LAMA1: variants seen among roughly 807,000 people sequenced by gnomAD.
LAMA1 encodes the protein laminin subunit alpha 1.
LAMA1 carries 219 observed loss-of-function variants against 348.7 expected under a neutral mutation model. The observed-to-expected ratio is 0.63, with a 90% CI of 0.56 to 0.70. The LOEUF is 0.70. LAMA1 is among the 30% of genes least tolerant of loss of function. The pLI is 0.00. For missense variants in LAMA1, 3,744 were observed against 3,888.0 expected (o/e 0.96, Z 0.99); for synonymous variants, 1,487 against 1,491.0 (o/e 1.00, Z 0.06).
intron 3 of LAMA1, among the ~76,000 whole-genome samples, chr18:7,065,232 C>CA (rs35224545): frequency 0.098 from 6,990 of 70,986 alleles, 775 homozygotes; most frequent in African/African-American, 0.31. Context: ...GACTCTATCT[C>CA]AAAAAAAAAA....
At chr18:7,060,097 C>A (rs1425432562) in intron 3 of LAMA1, among the ~76,000 whole-genome samples, 1 of 152,084 alleles carries the variant, frequency 6.6e-6, no homozygotes, top group Non-Finnish European at 1.5e-5. Flanking sequence ...ATTATCAGCA[C>A]GTGAAGTGGC....
Position 6,986,175 on chromosome 18 carries a change from G to A in LAMA1, c.5341C>T (p.Leu1781=). ...AEAKMQESNH[L]LLMVNANLRE... ...AGATTAGCATTGACCATGAGCAGCA[G>A]GTGGTTGCTTTCCTGCATCTTTGCC... Residue 1781 remains leucine (L), a synonymous_variant, in exon 37 of 63, where the codon CTG becomes TTG. Coordinates refer to ENST00000389658, the MANE Select transcript of LAMA1 (RefSeq NM_005559.4). 1 of 1,614,214 alleles carries A rather than the reference G, an allele frequency of 6.2e-7. No homozygotes were observed. The highest frequency in any genetic ancestry group is 8.5e-7 in the Non-Finnish European group (1 of 1,180,036).
intron 3 of LAMA1, chr18:7,079,610 A>G: frequency 5.8e-6 from 2 of 346,048 alleles, no homozygotes; most frequent in Non-Finnish European, 1.1e-5. Flanking sequence ...TTAGCAAGAC[A>G]GTAAGCTAAA....
intron 59 of LAMA1, 23 bp from the exon 60 acceptor site, chr18:6,948,579 G>A (rs1403240535): frequency 2.5e-6 from 4 of 1,613,996 alleles, no homozygotes; most frequent in African/African-American, 1.3e-5. Context: ...ACATGCAAGA[G>A]TAGACAGTGG....
chr18:6,973,961 T>G (rs2144033184), intron 46 of LAMA1, among the ~76,000 whole-genome samples: 1 of 152,240 alleles, frequency 6.6e-6, no homozygotes, highest in East Asian at 1.9e-4. Context: ...TTAACTTTTT[T>G]TTAGAGACAG....
chr18:7,117,678 C>T lies in LAMA1; in HGVS notation c.43G>A (p.Ala15Thr). ...GGCTCACCTCTCTGCCGGCACTGCGCGGCGACACACAGCAGCAAGACCAGG... is the reference window on the plus strand; with the variant it reads ...GGCTCACCTCTCTGCCGGCACTGCGTGGCGACACACAGCAGCAAGACCAGG... Reference protein sequence around the residue: ...VLLVLLLCVAAQCRQRGLFPA... With the variant: ...VLLVLLLCVATQCRQRGLFPA... Residue 15 changes from alanine (A) to threonine (T), a missense_variant, in exon 1 of 63, where the codon GCG (alanine) becomes ACG (threonine). Around this residue, in one of 3 missense-constraint regions of LAMA1, gnomAD observed 1,529 missense variants for 1,689.4 expected, o/e 0.91. Transcript: ENST00000389658. 1 of 1,598,726 alleles carries T rather than the reference C, an allele frequency of 6.3e-7. No homozygotes were observed. Among genetic ancestry groups the T allele is most frequent in the Non-Finnish European group, 8.5e-7 (1 of 1,178,636 alleles).
At chr18:7,047,014 C>G (rs956715941) in intron 5 of LAMA1, among the ~76,000 whole-genome samples, 4 of 150,546 alleles carry the variant, frequency 2.7e-5, no homozygotes, top group Admixed American at 2.6e-4. Flanking sequence ...CAAATAATAA[C>G]AGTTTAGTCT....
chr18:7,034,355 A>T (rs613298), intron 14 of LAMA1, 124 bp downstream of exon 14: 294,144 of 747,292 alleles, frequency 0.39, 61,749 homozygotes, highest in African/African-American at 0.65. Context: ...AGACAGCCAG[A>T]TCCTGTAGCT....
At chr18:7,095,259 T>C (rs1166173602) in intron 1 of LAMA1, among the ~76,000 whole-genome samples, 2 of 152,204 alleles carry the variant, frequency 1.3e-5, no homozygotes, top group Non-Finnish European at 2.9e-5. Context: ...ATTTACTTTA[T>C]GTCCACACTT....
chr18:7,106,593 C>T (rs1390066572), intron 1 of LAMA1, among the ~76,000 whole-genome samples: 1 of 152,072 alleles, frequency 6.6e-6, no homozygotes, highest in African/African-American at 2.4e-5. Flanking sequence ...CTCTTGACCT[C>T]GTGATCCACC....
Position 6,964,735 on chromosome 18 carries a change from C to T in LAMA1, c.7264G>A (p.Ala2422Thr), listed in dbSNP as rs2057624658. 3.1e-6 allele frequency: 5 copies of T among 1,614,118 alleles called. No individual in the cohort carries two copies. The highest frequency in any genetic ancestry group is 4.2e-6 in the Non-Finnish European group (5 of 1,180,014). The change falls in exon 51 of 63, where the codon GCA becomes ACA. Residue 2422 changes from alanine to threonine, a missense_variant. Ala to Thr is a moderately conservative substitution (Grantham distance 58). Transcript: ENST00000389658. Reference protein sequence around the residue: ...KETKQGETPGASSDLNRLDKD... With the variant: ...KETKQGETPGTSSDLNRLDKD... ...TCTAGGCGGTTGAGGTCAGAAGATG[C>T]TCCCGGAGTCTCGCCCTGCTTGGTT... is the stretch of plus-strand genomic sequence containing the variant.
chr18:6,993,522 C>G lies in LAMA1; in HGVS notation c.5008+119G>C, dbSNP rs2057767378. On this transcript the variant is annotated intron_variant, in intron 35 of 62. Transcript: ENST00000389658. ...CTCAGGATCCCCAAACTATTCCAGCCCCTCTGGTTCCGGAAACCCGATGCA... is the reference window on the plus strand; with the variant it reads ...CTCAGGATCCCCAAACTATTCCAGCGCCTCTGGTTCCGGAAACCCGATGCA... 7.5e-6 allele frequency: 6 copies of G among 799,456 alleles called. No homozygotes were observed. The Admixed American group carries it at 1.1e-4, about 14-fold the overall frequency. 49.5% of individuals were successfully genotyped at this position (799,456 alleles called of 1,614,324 possible). A position where few individuals can be genotyped will look rare whatever the true frequency, so the allele number is the denominator to read the frequency against.
chr18:7,065,879 T>C (rs1568053129), intron 3 of LAMA1, among the ~76,000 whole-genome samples: 2 of 152,218 alleles, frequency 1.3e-5, no homozygotes, highest in Non-Finnish European at 2.9e-5. Flanking sequence ...CTAGCTTCAT[T>C]TCCGAAACAG....
intron 42 of LAMA1, among the ~76,000 whole-genome samples, chr18:6,979,769 G>T (rs1446143871): frequency 6.6e-6 from 1 of 151,872 alleles, no homozygotes; most frequent in Non-Finnish European, 1.5e-5. Context: ...GACGGTGGCG[G>T]GCGCCTGTAG....
chr18:7,009,181 C>A, intron 27 of LAMA1, 58 bp downstream of exon 27: 1 of 1,603,110 alleles, frequency 6.2e-7, no homozygotes, highest in Non-Finnish European at 8.5e-7. Context: ...GAGTCAAATT[C>A]TTTCAGTTTG....
chr18:7,082,341 T>C (rs2058196346), intron 1 of LAMA1, among the ~76,000 whole-genome samples: 1 of 152,196 alleles, frequency 6.6e-6, no homozygotes, highest in South Asian at 2.1e-4. Flanking sequence ...ATTTTTATCA[T>C]ATCCCTGTAA....
intron 60 of LAMA1, 35 bp downstream of exon 60, chr18:6,948,368 C>G: frequency 6.2e-7 from 1 of 1,613,856 alleles, no homozygotes; most frequent in Non-Finnish European, 8.5e-7. Flanking sequence ...CAGACTCATT[C>G]GGGGACTGCC....
At chr18:7,107,727 T>C (rs575096930) in intron 1 of LAMA1, among the ~76,000 whole-genome samples, 1 of 152,302 alleles carries the variant, frequency 6.6e-6, no homozygotes. Context: ...AGGTGTTAAC[T>C]CTAAAATACT....
chr18:6,976,083 G>A lies in LAMA1; in HGVS notation c.6346-3C>T. On this transcript the variant is annotated splice_region_variant and splice_polypyrimidine_tract_variant and intron_variant, in intron 44 of 62. Transcript: ENST00000389658. ...TCTGCAGACACGGCGACTTTAATCT[G>A]TAGAAGGAAAATGAAAGTGTCCCCA... 3 of 1,614,102 alleles carry A rather than the reference G, an allele frequency of 1.9e-6. No individual in the cohort carries two copies. Among genetic ancestry groups the A allele is most frequent in the Non-Finnish European group, 2.5e-6 (3 of 1,179,956 alleles).
Sources: allele counts gnomAD v4.1 joint callset (sites outside exome capture counted in the v4.1 genomes callset), GRCh38; gene constraint gnomAD v4.1.1; regional missense constraint gnomAD v4.1.1; transcripts MANE v1.5; gene names NCBI Gene and HGNC (gene_info 2026-07-23, HGNC 2026-07-21).